Variants in NEDD1 observed in about 807,000 individuals in gnomAD.
NEDD1 encodes NEDD1 gamma-tubulin ring complex targeting factor.
A neutral mutation model predicts 74.0 loss-of-function variants in NEDD1; 33 were observed. The observed-to-expected ratio is 0.45, with a 90% CI of 0.34 to 0.60. NEDD1 has a LOEUF of 0.60. NEDD1 is among the 20% of genes least tolerant of loss of function. The pLI, the probability that NEDD1 is intolerant of heterozygous loss-of-function variation, is 0.01. For synonymous variants in NEDD1, 250 were observed against 264.4 expected (o/e 0.95, Z 0.53); for missense variants, 746 against 776.5 (o/e 0.96, Z 0.47).
intron 8 of NEDD1, 51 bp from the exon 9 acceptor site, chr12:96,937,147 T>C (rs1311535975): frequency 1.0e-6 from 1 of 985,460 alleles, no homozygotes; most frequent in East Asian, 2.8e-5. Context: ...TATTAATGTA[T>C]AGTATGAAAC....
intron 3 of NEDD1, among the ~76,000 whole-genome samples, chr12:96,910,719 A>T (rs893309108): frequency 2.0e-5 from 3 of 151,962 alleles, no homozygotes; most frequent in African/African-American, 7.3e-5. Flanking sequence ...TGCCTGAATC[A>T]CTCCCAGTAG....
At chr12:96,948,390 C>G (rs1878401212) in intron 14 of NEDD1, among the ~76,000 whole-genome samples, 1 of 152,138 alleles carries the variant, frequency 6.6e-6, no homozygotes, top group Non-Finnish European at 1.5e-5. Flanking sequence ...ATTAAAATTT[C>G]AGCTAGTTCT....
chr12:96,920,030 T>C lies in NEDD1; in HGVS notation c.394T>C (p.Cys132Arg). 6.2e-7 allele frequency: 1 copy of C among 1,601,270 alleles called. No homozygotes were observed. Among genetic ancestry groups the C allele is most frequent in the Non-Finnish European group, 8.6e-7 (1 of 1,168,776 alleles). ...TTGTGTAACATACAATTGGAATGATTGCTACATTGCTTCTGGATCTCTTAG... is the reference window on the plus strand; with the variant it reads ...TTGTGTAACATACAATTGGAATGATCGCTACATTGCTTCTGGATCTCTTAG... Reference protein sequence around the residue: ...VTCVTYNWNDCYIASGSLSGE... With the variant: ...VTCVTYNWNDRYIASGSLSGE... Residue 132 changes from cysteine (C) to arginine (R), a missense_variant, in exon 6 of 16, where the codon TGC becomes CGC. Coordinates refer to ENST00000266742, the MANE Select transcript of NEDD1 (RefSeq NM_152905.4).
At chr12:96,945,903 G>A in intron 14 of NEDD1, 54 bp downstream of exon 14, 1 of 1,070,926 alleles carries the variant, frequency 9.3e-7, no homozygotes, top group Non-Finnish European at 1.4e-6. Flanking sequence ...TTTTTTTTTA[G>A]ATGTAAAACC....
chr12:96,933,273 T>A (rs949962820), intron 6 of NEDD1, among the ~76,000 whole-genome samples: 6 of 152,174 alleles, frequency 3.9e-5, no homozygotes, highest in Admixed American at 1.3e-4. Context: ...ATGGTGTTTT[T>A]AAAAATTCTA....
In NEDD1 at chr12:96,941,301, A is replaced by G. The variant is rs190117769; in HGVS notation, c.1246+764A>G. 5.9e-5 allele frequency among the ~76,000 whole-genome samples: 9 copies of G among 152,162 alleles called. No homozygotes were observed. The East Asian group carries it at 1.7e-3, about 29-fold the overall frequency. On this transcript the variant is annotated intron_variant, in intron 10 of 15. Transcript: ENST00000266742. The stretch of plus-strand genomic sequence containing the variant: ...GATCTCGAAGTTGTTTCATCCACTC[A>G]TTATCTTATACAATTTCATTTTTTA...
intron 6 of NEDD1, among the ~76,000 whole-genome samples, chr12:96,929,609 A>ATG (rs1378561125): frequency 7.5e-6 from 1 of 134,134 alleles, no homozygotes; most frequent in Non-Finnish European, 1.6e-5. Context: ...ACATATGTGT[A>ATG]TATATATATA....
At chr12:96,943,461 ATCT>A (rs1256521251) in intron 11 of NEDD1, 96 bp from the exon 12 acceptor site, 52 of 771,756 alleles carry the variant, frequency 6.7e-5, no homozygotes, top group Middle Eastern at 2.4e-4. Context: ...GCAGATCCAT[ATCT>A]TCTTCCATGT....
chr12:96,949,629 A>T (rs1878519789), intron 14 of NEDD1, among the ~76,000 whole-genome samples: 1 of 152,124 alleles, frequency 6.6e-6, no homozygotes, highest in African/African-American at 2.4e-5. Flanking sequence ...GTTGAAGGGG[A>T]CTTATTTGTC....
Position 96,932,189 on chromosome 12 carries a change from AT to A in NEDD1, c.490-2781del, listed in dbSNP as rs571441714. ...TAGCATTGCTGCTTATACTGCCGGG[AT>A]TTTTTCCCCCCCATAAGCTTCTTGA... On this transcript the variant is annotated intron_variant, in intron 6 of 15. Transcript: ENST00000266742. 1.9e-4 allele frequency among the ~76,000 whole-genome samples: 28 copies of A among 151,264 alleles called. 1 individual carries two copies. The highest frequency in any genetic ancestry group is 3.6e-4 in the African/African-American group (15 of 41,208).
At chr12:96,936,533 G>T (rs1009119234) in intron 7 of NEDD1, 78 bp from the exon 8 acceptor site, 2 of 928,186 alleles carry the variant, frequency 2.2e-6, no homozygotes, top group Non-Finnish European at 3.5e-6. Flanking sequence ...CTCTGGTTTT[G>T]GTATATAGTT....
intron 9 of NEDD1, 27 bp from the exon 10 acceptor site, chr12:96,940,382 T>A: frequency 7.0e-7 from 1 of 1,437,586 alleles, no homozygotes; most frequent in Non-Finnish European, 9.6e-7. Context: ...TGTAATAACA[T>A]TGATTTTTAT....
intron 6 of NEDD1, among the ~76,000 whole-genome samples, chr12:96,929,535 G>A (rs1424179720): frequency 1.4e-5 from 2 of 143,826 alleles, no homozygotes; most frequent in African/African-American, 5.1e-5. Context: ...ACTTCACAGA[G>A]CTCCCTATTG....
At chr12:96,951,374 A>C in intron 14 of NEDD1, 58 bp from the exon 15 acceptor site, 1 of 924,742 alleles carries the variant, frequency 1.1e-6, no homozygotes, top group Non-Finnish European at 1.7e-6. Context: ...AGTTTCTTGA[A>C]TGACCTAGAA....
At position 96,929,623 on chromosome 12, in the gene NEDD1, A is replaced by ATATT. The variant is rs773021014; in HGVS notation, c.490-5352_490-5351insATTT. 6.3e-3 allele frequency among the ~76,000 whole-genome samples: 792 copies of ATATT among 126,172 alleles called. 10 individuals are homozygous for ATATT. The highest frequency in any genetic ancestry group is 0.014 in the East Asian group (59 of 4,288). 82.8% of individuals were successfully genotyped at this position (126,172 alleles called of 152,430 possible). On this transcript the variant is annotated intron_variant, in intron 6 of 15. Transcript: ENST00000266742. ...CACATATGTGTATATATATATATAT[A>ATATT]TTTTTTTTTTAATGGCTGCTTGCTT...
intron 6 of NEDD1, among the ~76,000 whole-genome samples, chr12:96,924,543 G>A (rs956503392): frequency 1.3e-5 from 2 of 152,068 alleles, no homozygotes; most frequent in African/African-American, 4.8e-5. Flanking sequence ...TTATTACCAT[G>A]CATTTGATTT....
At position 96,917,614 on chromosome 12, in the gene NEDD1, T is replaced by C. The variant is rs553040236; in HGVS notation, c.232-7T>C. The C allele has an allele frequency of 6.9e-7, 1 of 1,440,860 alleles. No individual in the cohort carries two copies. Among genetic ancestry groups the C allele is most frequent in the South Asian group, 1.5e-5 (1 of 65,114 alleles). 89.3% of individuals were successfully genotyped at this position (1,440,860 alleles called of 1,614,324 possible). On this transcript the variant is annotated splice_polypyrimidine_tract_variant and splice_region_variant and intron_variant, in intron 4 of 15. Transcript: ENST00000266742. ...TTAAGGTAACTTTTTTTTTTTTTTT[T>C]AAATAGCAAAAGCAGACATGTGTCA... is the stretch of plus-strand genomic sequence containing the variant.
chr12:96,947,967 C>A (rs1165840042), intron 14 of NEDD1, among the ~76,000 whole-genome samples: 1 of 152,158 alleles, frequency 6.6e-6, no homozygotes, highest in African/African-American at 2.4e-5. Flanking sequence ...CAGTGAAGAC[C>A]CAGAGTGGCT....
chr12:96,931,637 A>G (rs1008172889), intron 6 of NEDD1, among the ~76,000 whole-genome samples: 5 of 152,230 alleles, frequency 3.3e-5, no homozygotes, highest in Non-Finnish European at 7.4e-5. Context: ...CTTGCAAATC[A>G]GAAGTAACCC....
Sources: gnomAD v4.1 joint callset for allele counts (sites outside exome capture counted in the v4.1 genomes callset) on GRCh38, gnomAD v4.1.1 for gene constraint, MANE v1.5 for transcripts, NCBI Gene and HGNC (gene_info 2026-07-23, HGNC 2026-07-21) for gene names.